Variants in ZFP90 observed in about 807,000 individuals in gnomAD.
The protein encoded by ZFP90 is zinc finger protein 90 homolog.
In ZFP90, 38 loss-of-function variants were observed where a neutral mutation model predicts 60.8. The ratio of observed to expected loss-of-function variants is 0.62; its 90% CI spans 0.48 to 0.82. The LOEUF (loss-of-function observed/expected upper bound fraction) is 0.82, where lower values mean the gene tolerates loss of function less well. ZFP90 is among the 40% of genes least tolerant of loss of function. The pLI is 0.00. For synonymous variants in ZFP90, 287 were observed against 264.8 expected (o/e 1.08, Z -0.82); for missense variants, 711 against 759.1 (o/e 0.94, Z 0.74).
chr16:68,540,306 G>A lies in ZFP90; in HGVS notation c.33+481G>A, dbSNP rs78451736. Among the ~76,000 whole-genome samples, 786 of 152,116 alleles carry A rather than the reference G, an allele frequency of 5.2e-3. 11 individuals carry two copies. Among genetic ancestry groups the A allele is most frequent in the African/African-American group, 0.018 (727 of 41,492 alleles). ...AAGAGGCTGGAGATGGGCTTTCTTG[G>A]GCAAGGAGGCAAAAACAAAACAAAA... On this transcript the variant is annotated intron_variant, in intron 2 of 4. Coordinates refer to ENST00000563169, the MANE Select transcript of ZFP90 (RefSeq NM_001305203.2).
At chr16:68,558,367 TC>T (rs1465632855) in intron 3 of ZFP90, 105 bp from the exon 4 acceptor site, 1 of 1,213,502 alleles carries the variant, frequency 8.2e-7, no homozygotes, top group South Asian at 1.3e-5. Flanking sequence ...ACCTTTTTTT[TC>T]CTTCAGAGTT....
chr16:68,548,445 G>A (rs1372901718), intron 2 of ZFP90, among the ~76,000 whole-genome samples: 8 of 40,282 alleles, frequency 2.0e-4, no homozygotes, highest in African/African-American at 4.8e-4. Flanking sequence ...ACACACTAGT[G>A]TGTATATTTC....
At chr16:68,558,398 T>C in intron 3 of ZFP90, 75 bp from the exon 4 acceptor site, 1 of 1,375,520 alleles carries the variant, frequency 7.3e-7, no homozygotes, top group East Asian at 2.3e-5. Context: ...CAAGGACTAG[T>C]ACTGACTTGT....
At chr16:68,536,451 G>A (rs1346508368), upstream of ZFP90, among the ~76,000 whole-genome samples, 1 of 151,880 alleles carries the variant, frequency 6.6e-6, no homozygotes, top group Non-Finnish European at 1.5e-5. Flanking sequence ...GGGACTACCG[G>A]CATGCCACCA....
rs1318600713 is a variant in ZFP90 at position 68,539,414 on chromosome 16, C to G, written c.-101C>G. 3.2e-6 allele frequency: 1 copy of G among 308,242 alleles called. No individual in the cohort carries two copies. Among genetic ancestry groups the G allele is most frequent in the African/African-American group, 2.1e-5 (1 of 46,518 alleles). 19.1% of individuals were successfully genotyped at this position (308,242 alleles called of 1,614,324 possible). Reference sequence around the variant, plus strand: ...GAGGCTTCGGCGGGGGCGGGAGGAGCTGCCCGAGGCTCTGGGTGGGCCGGA... The same window carrying G: ...GAGGCTTCGGCGGGGGCGGGAGGAGGTGCCCGAGGCTCTGGGTGGGCCGGA... On this transcript the variant is annotated 5_prime_UTR_variant, in exon 1 of 5. Transcript: ENST00000563169.
At chr16:68,553,306 AAG>A (rs2091290183) in intron 2 of ZFP90, among the ~76,000 whole-genome samples, 2 of 152,194 alleles carry the variant, frequency 1.3e-5, no homozygotes, top group Admixed American at 1.3e-4. Context: ...CATTTGAACA[AAG>A]AGCTGAAGCC....
chr16:68,566,663 C>T lies in ZFP90; in HGVS notation c.*1965C>T. ...TGGTGCACCATGATTAGCTCACACA[C>T]AATGCCAAGGCTGTGCTTCTATTAT... On this transcript the variant is annotated 3_prime_UTR_variant, in exon 5 of 5. Transcript: ENST00000563169. 4.1e-6 allele frequency: 4 copies of T among 985,574 alleles called. No homozygotes were observed. Among genetic ancestry groups the T allele is most frequent in the Non-Finnish European group, 4.8e-6 (4 of 829,940 alleles). The allele number at this position is 985,574 out of a possible 1,614,324, so 61.1% of individuals were successfully genotyped here. A position where few individuals can be genotyped will look rare whatever the true frequency, so the allele number is the denominator to read the frequency against.
chr16:68,575,158 GC>G (rs1256625365), intron 2 of ZFP90, among the ~76,000 whole-genome samples: 1 of 152,306 alleles, frequency 6.6e-6, no homozygotes, highest in African/African-American at 2.4e-5. Flanking sequence ...CCCCACCTGG[GC>G]CTCCCTTGGC....
chr16:68,539,056 C>T (rs1204726405), upstream of ZFP90, among the ~76,000 whole-genome samples: 1 of 152,236 alleles, frequency 6.6e-6, no homozygotes, highest in Non-Finnish European at 1.5e-5. Flanking sequence ...CTTTCCCGGC[C>T]GATTCCCCAG....
chr16:68,571,108 A>G (rs1389031031), downstream of ZFP90, among the ~76,000 whole-genome samples: 1 of 152,200 alleles, frequency 6.6e-6, no homozygotes, highest in Non-Finnish European at 1.5e-5. Context: ...TCTTGGGGGA[A>G]AGTATACATG....
At chr16:68,569,959 C>G (rs2091559017), downstream of ZFP90, among the ~76,000 whole-genome samples, 1 of 151,688 alleles carries the variant, frequency 6.6e-6, no homozygotes, top group African/African-American at 2.4e-5. Context: ...GTTCTCTTTC[C>G]TGCATTTATT....
chr16:68,567,813 A>G (rs2091546396), downstream of ZFP90, among the ~76,000 whole-genome samples: 1 of 152,234 alleles, frequency 6.6e-6, no homozygotes, highest in Non-Finnish European at 1.5e-5. Flanking sequence ...TTTACCTGCC[A>G]GAGCATCTAG....
In ZFP90 at chr16:68,566,132, C is replaced by CA; in HGVS notation, c.*1435dup. The CA allele has an allele frequency of 1.0e-6, 1 of 985,002 alleles. No homozygotes were observed. 61.0% of individuals were successfully genotyped at this position (985,002 alleles called of 1,614,324 possible). On this transcript the variant is annotated 3_prime_UTR_variant, in exon 5 of 5. Coordinates refer to ENST00000563169, the MANE Select transcript of ZFP90 (RefSeq NM_001305203.2). ...TGAGCAACAGAGCAAGACACACACA[C>CA]ATCAATTTATTTTAGTTGTATAATG...
At chr16:68,549,199 A>G (rs2091209885) in intron 2 of ZFP90, among the ~76,000 whole-genome samples, 1 of 152,144 alleles carries the variant, frequency 6.6e-6, no homozygotes, top group South Asian at 2.1e-4. Context: ...GACTGAGTTT[A>G]GTGTTTGCCT....
At chr16:68,545,790 A>G (rs1454519899) in intron 2 of ZFP90, among the ~76,000 whole-genome samples, 2 of 152,196 alleles carry the variant, frequency 1.3e-5, no homozygotes, top group African/African-American at 4.8e-5. Flanking sequence ...ACTCCAACCT[A>G]GGTGACTGAG....
intron 2 of ZFP90, among the ~76,000 whole-genome samples, chr16:68,555,652 T>C (rs546248388): frequency 6.6e-6 from 1 of 152,234 alleles, no homozygotes; most frequent in South Asian, 2.1e-4. Context: ...AAAACAAGCA[T>C]TAAATAGATG....
intron 2 of ZFP90, among the ~76,000 whole-genome samples, chr16:68,543,992 A>G (rs866469838): frequency 5.9e-5 from 9 of 151,738 alleles, no homozygotes; most frequent in Non-Finnish European, 1.2e-4. Flanking sequence ...AGCTGGGATT[A>G]CAGGTGTGCA....
chr16:68,575,767 G>C, intron 2 of ZFP90: 1 of 398,296 alleles, frequency 2.5e-6, no homozygotes, highest in East Asian at 3.6e-5. Context: ...GGGTTTCAGT[G>C]GGGACCTGTT....
chr16:68,544,423 A>G (rs1024034041), intron 2 of ZFP90, among the ~76,000 whole-genome samples: 2 of 152,162 alleles, frequency 1.3e-5, no homozygotes, highest in African/African-American at 4.8e-5. Flanking sequence ...AAACAAACAA[A>G]CAAAAAAACA....
Sources: allele counts gnomAD v4.1 joint callset (sites outside exome capture counted in the v4.1 genomes callset), GRCh38; gene constraint gnomAD v4.1.1; transcripts MANE v1.5; gene names NCBI Gene and HGNC (gene_info 2026-07-23, HGNC 2026-07-21).